The following VSTM4 variants were observed in gnomAD, a reference collection of about 807,000 sequenced individuals.
VSTM4 encodes the protein V-set and transmembrane domain-containing protein 4.
In VSTM4, 20 loss-of-function variants were observed where a neutral mutation model predicts 36.4. The ratio of observed to expected loss-of-function variants is 0.55; its 90% CI spans 0.39 to 0.80. VSTM4 has a LOEUF of 0.80. Ranked by LOEUF, VSTM4 falls within the 30% of genes least tolerant of loss-of-function variation. The pLI, the probability that VSTM4 is intolerant of heterozygous loss-of-function variation, is 0.00. For synonymous variants in VSTM4, 182 were observed against 173.9 expected, an observed-to-expected ratio of 1.05 and a Z score of -0.37; for missense variants, 392 against 404.5, an observed-to-expected ratio of 0.97 and a Z score of 0.26.
At chr10:49,110,857 C>A (rs915506072) in intron 1 of VSTM4, among the ~76,000 whole-genome samples, 2 of 152,208 alleles carry the variant, frequency 1.3e-5, no homozygotes, top group African/African-American at 2.4e-5. Context: ...GTACCCCAGC[C>A]TATGGTACTC....
intron 2 of VSTM4, among the ~76,000 whole-genome samples, chr10:49,100,758 G>A (rs1459182653): frequency 1.3e-5 from 2 of 151,806 alleles, no homozygotes; most frequent in Non-Finnish European, 2.9e-5. Context: ...ATCCTCAAGA[G>A]CATCTTAAAG....
intron 2 of VSTM4, among the ~76,000 whole-genome samples, chr10:49,097,910 CG>C (rs1324059742): frequency 6.6e-6 from 1 of 152,132 alleles, no homozygotes; most frequent in Non-Finnish European, 1.5e-5. Context: ...TGTTTGTTTG[CG>C]TGTGTTCTTG....
At chr10:49,093,999 G>A (rs952526705) in intron 2 of VSTM4, among the ~76,000 whole-genome samples, 14 of 152,130 alleles carry the variant, frequency 9.2e-5, no homozygotes, top group Admixed American at 3.3e-4. Flanking sequence ...CACCCACCTC[G>A]GCCTCCCAAA....
At chr10:49,082,147 G>C (rs931576595) in intron 3 of VSTM4, among the ~76,000 whole-genome samples, 3 of 152,180 alleles carry the variant, frequency 2.0e-5, no homozygotes, top group African/African-American at 4.8e-5. Flanking sequence ...CTCAGTTCCA[G>C]GGCACTGCTC....
At chr10:49,099,391 C>CTTACT (rs1374805916) in intron 2 of VSTM4, among the ~76,000 whole-genome samples, 2 of 152,208 alleles carry the variant, frequency 1.3e-5, no homozygotes, top group African/African-American at 2.4e-5. Context: ...GCCTATATTT[C>CTTACT]TTACCGCTCT....
rs1843152131 is a variant in VSTM4, at chr10:49,019,700, G to A, written c.913C>T (p.Pro305Ser). The change falls in exon 8 of 8, where the codon CCC becomes TCC. Residue 305 changes from proline to serine, a missense_variant. By Grantham distance (74) the Pro-to-Ser change is moderately conservative. Transcript: ENST00000332853. Reference protein sequence around the residue: ...IKPHRAAKGAPTSTVYAQILF... With the variant: ...IKPHRAAKGASTSTVYAQILF... ...ATCTGGGCGTAGACAGTGCTGGTGG[G>A]GGCGCCTTTGGCAGCCCGGTGGGGT... 4 of 1,613,880 alleles carry A rather than the reference G, an allele frequency of 2.5e-6. No individual in the cohort carries two copies. The Admixed American group carries it at 5.0e-5, about 20-fold the overall frequency.
At chr10:49,068,021 GT>G (rs1428916182) in intron 4 of VSTM4, among the ~76,000 whole-genome samples, 3 of 151,884 alleles carry the variant, frequency 2.0e-5, no homozygotes, top group Non-Finnish European at 4.4e-5. Context: ...CCATTGTTAT[GT>G]TTTTTTCATC....
intron 3 of VSTM4, among the ~76,000 whole-genome samples, chr10:49,080,068 T>C (rs957006825): frequency 6.6e-6 from 1 of 152,264 alleles, no homozygotes; most frequent in African/African-American, 2.4e-5. Context: ...AAAGTGTTTC[T>C]ACCTGTTCCC....
chr10:49,084,712 T>C (rs1224767086), intron 3 of VSTM4, among the ~76,000 whole-genome samples: 1 of 152,226 alleles, frequency 6.6e-6, no homozygotes, highest in Non-Finnish European at 1.5e-5. Context: ...TGACCACCTT[T>C]GAACATTAAT....
intron 7 of VSTM4, among the ~76,000 whole-genome samples, chr10:49,041,097 T>C (rs1445937260): frequency 6.6e-6 from 1 of 152,228 alleles, no homozygotes; most frequent in Non-Finnish European, 1.5e-5. Context: ...TCAAGACCTA[T>C]TGATCTAAGA....
At chr10:49,054,060 C>T (rs1313709726) in intron 5 of VSTM4, among the ~76,000 whole-genome samples, 2 of 152,238 alleles carry the variant, frequency 1.3e-5, no homozygotes, top group African/African-American at 4.8e-5. Flanking sequence ...TGACCTCTGG[C>T]CCTCCTTGTT....
Position 49,086,022 on chromosome 10 carries a change from G to C in VSTM4, c.459C>G (p.Val153=). ...ACTCTTCAGAAGCTTTGAGGGAAAT[G>C]ACTGAAAGACAAAAAAGAAACAGCA... ...SNGSSATEMR[V]ISLKASEESS... is the part of the protein sequence containing the mutation. The change falls in exon 3 of 8, where the codon GTC becomes GTG. Residue 153 remains valine, a splice_region_variant and synonymous_variant. Coordinates refer to ENST00000332853, the MANE Select transcript of VSTM4 (RefSeq NM_001031746.5). The C allele has an allele frequency of 6.3e-7, 1 of 1,578,744 alleles. No individual in the cohort carries two copies.
intron 2 of VSTM4, chr10:49,103,884 T>C (rs772043526): frequency 4.3e-6 from 7 of 1,609,742 alleles, no homozygotes; most frequent in Non-Finnish European, 5.9e-6. Context: ...GGAGGTGACA[T>C]GAGCAGGTTA....
At chr10:49,073,696 T>C (rs972205492) in intron 4 of VSTM4, among the ~76,000 whole-genome samples, 7 of 152,194 alleles carry the variant, frequency 4.6e-5, no homozygotes, top group East Asian at 1.9e-4. Flanking sequence ...ATAGCACTGA[T>C]TGGGGACAAT....
intron 7 of VSTM4, among the ~76,000 whole-genome samples, chr10:49,044,409 AAG>A (rs545160572): frequency 6.1e-5 from 9 of 148,666 alleles, no homozygotes; most frequent in African/African-American, 2.0e-4. Context: ...AAGAAAAAGA[AAG>A]AGAGAAAGAA....
intron 3 of VSTM4, among the ~76,000 whole-genome samples, chr10:49,081,798 G>A (rs569671855): frequency 3.3e-5 from 5 of 152,174 alleles, no homozygotes; most frequent in African/African-American, 9.7e-5. Context: ...ACACAAGACC[G>A]GTCATGGCCA....
chr10:49,076,790 C>T (rs1403978007), intron 4 of VSTM4, among the ~76,000 whole-genome samples: 1 of 152,170 alleles, frequency 6.6e-6, no homozygotes, highest in Non-Finnish European at 1.5e-5. Flanking sequence ...TCCCAAGTGC[C>T]ACCTGCCTGC....
At chr10:49,112,783 G>A (rs896512703) in intron 1 of VSTM4, among the ~76,000 whole-genome samples, 14 of 152,230 alleles carry the variant, frequency 9.2e-5, no homozygotes, top group Admixed American at 7.2e-4. Flanking sequence ...TCCCACAAGC[G>A]ATGTAGCTGG....
At chr10:49,078,563 T>C (rs117473898) in intron 3 of VSTM4, among the ~76,000 whole-genome samples, 2 of 151,186 alleles carry the variant, frequency 1.3e-5, no homozygotes, top group East Asian at 1.9e-4. Flanking sequence ...ATTCTTGATA[T>C]GACATTCTTC....
Sources: gnomAD v4.1 joint callset for allele counts (sites outside exome capture counted in the v4.1 genomes callset) on GRCh38, gnomAD v4.1.1 for gene constraint, MANE v1.5 for transcripts, NCBI Gene and HGNC (gene_info 2026-07-23, HGNC 2026-07-21) for gene names.